The following ARL15 variants were observed in gnomAD, a reference collection of about 807,000 sequenced individuals.
ARL15 encodes the protein ARF like GTPase 15.
Under a neutral mutation model 25.2 loss-of-function variants are expected in ARL15, and 19 were observed. That is an observed-to-expected ratio of 0.75 (90% CI 0.53 to 1.10). The LOEUF (loss-of-function observed/expected upper bound fraction) is 1.10. ARL15 is among the 50% of genes least tolerant of loss of function. The pLI is 0.00. For synonymous variants in ARL15, 94 were observed against 86.8 expected (o/e 1.08, Z -0.46); for missense variants, 220 against 246.0 (o/e 0.89, Z 0.71).
chr5:54,007,208 G>A (rs1178980223), intron 4 of ARL15, among the ~76,000 whole-genome samples: 1 of 151,914 alleles, frequency 6.6e-6, no homozygotes, highest in Admixed American at 6.6e-5. Flanking sequence ...CAGGTCTGTG[G>A]CTTTCTAAAG....
chr5:53,888,564 G>T (rs1458393872), intron 4 of ARL15, among the ~76,000 whole-genome samples: 3 of 152,144 alleles, frequency 2.0e-5, no homozygotes, highest in African/African-American at 7.2e-5. Flanking sequence ...GATTACAGGC[G>T]TGAGCTACCA....
intron 3 of ARL15, among the ~76,000 whole-genome samples, chr5:54,117,095 C>T (rs1752923486): frequency 6.6e-6 from 1 of 152,136 alleles, no homozygotes; most frequent in African/African-American, 2.4e-5. Context: ...AGCCATTATT[C>T]CTCTTAACTG....
At chr5:54,184,263 A>G (rs76628964) in intron 1 of ARL15, among the ~76,000 whole-genome samples, 27 of 6,792 alleles carry the variant, frequency 4.0e-3, no homozygotes, top group African/African-American at 0.017. Context: ...AAAAAAATCA[A>G]AAAAAAAAAA....
intron 4 of ARL15, among the ~76,000 whole-genome samples, chr5:54,087,647 G>A (rs574729241): frequency 4.2e-5 from 6 of 141,656 alleles, no homozygotes; most frequent in African/African-American, 7.7e-5. Context: ...CATGTGACTC[G>A]TTTCCATTGG....
intron 4 of ARL15, among the ~76,000 whole-genome samples, chr5:54,013,387 C>T (rs1749307710): frequency 6.6e-6 from 1 of 152,144 alleles, no homozygotes; most frequent in Non-Finnish European, 1.5e-5. Flanking sequence ...CAGGCACAGG[C>T]CAAGCTAACC....
At chr5:53,982,172 CTT>C (rs5867907) in intron 4 of ARL15, among the ~76,000 whole-genome samples, 80 of 145,480 alleles carry the variant, frequency 5.5e-4, no homozygotes, top group African/African-American at 1.5e-3. Context: ...TTTAAACATT[CTT>C]TTTTTTTTTT....
intron 4 of ARL15, among the ~76,000 whole-genome samples, chr5:54,038,643 T>C (rs1750242320): frequency 6.6e-6 from 1 of 152,132 alleles, no homozygotes; most frequent in Non-Finnish European, 1.5e-5. Context: ...ACTCTGTGAA[T>C]TTACATGTAA....
intron 4 of ARL15, among the ~76,000 whole-genome samples, chr5:54,003,639 ATG>A (rs1248275032): frequency 7.3e-5 from 11 of 151,720 alleles, no homozygotes; most frequent in Non-Finnish European, 1.3e-4. Context: ...GAATGTCAGA[ATG>A]TCAGTCAGAA....
chr5:54,284,024 A>G (rs952111922), intron 1 of ARL15, among the ~76,000 whole-genome samples: 5 of 152,226 alleles, frequency 3.3e-5, no homozygotes, highest in East Asian at 3.9e-4. Context: ...CATACAGATA[A>G]GAGAACCCAA....
chr5:53,918,660 A>G (rs1318387988), intron 4 of ARL15, among the ~76,000 whole-genome samples: 2 of 152,216 alleles, frequency 1.3e-5, no homozygotes, highest in Non-Finnish European at 2.9e-5. Flanking sequence ...CAGTCTTAAA[A>G]ATACAAATAG....
At chr5:54,081,368 GAGAA>G (rs1161636913) in intron 4 of ARL15, among the ~76,000 whole-genome samples, 1 of 152,082 alleles carries the variant, frequency 6.6e-6, no homozygotes, top group Non-Finnish European at 1.5e-5. Context: ...TATTAAACTT[GAGAA>G]AGAAAGAACT....
At chr5:54,134,470 C>T (rs184384372) in intron 3 of ARL15, among the ~76,000 whole-genome samples, 1 of 150,376 alleles carries the variant, frequency 6.6e-6, no homozygotes, top group African/African-American at 2.4e-5. Context: ...GCACTTCACA[C>T]GTAACTCTAC....
At chr5:54,110,038 T>C (rs1444776142) in intron 4 of ARL15, among the ~76,000 whole-genome samples, 2 of 152,012 alleles carry the variant, frequency 1.3e-5, no homozygotes, top group African/African-American at 4.8e-5. Flanking sequence ...TTACCAGGTA[T>C]ATTACAGAAA....
At chr5:53,961,590 A>C (rs963608094) in intron 4 of ARL15, among the ~76,000 whole-genome samples, 3 of 152,136 alleles carry the variant, frequency 2.0e-5, no homozygotes, top group Non-Finnish European at 2.9e-5. Context: ...CACTTTTAAA[A>C]GAAAGAAGCT....
intron 4 of ARL15, among the ~76,000 whole-genome samples, chr5:54,110,488 A>C (rs1051542322): frequency 1.3e-5 from 2 of 152,016 alleles, no homozygotes; most frequent in Admixed American, 1.3e-4. Flanking sequence ...AACTGAATCA[A>C]AGTTTAGTGC....
intron 3 of ARL15, among the ~76,000 whole-genome samples, chr5:54,121,967 A>G (rs534222421): frequency 5.0e-4 from 76 of 152,340 alleles, no homozygotes; most frequent in African/African-American, 1.8e-3. Flanking sequence ...ATTTAAGCCT[A>G]TAACTCACAG....
chr5:54,121,445 A>C (rs922458111), intron 3 of ARL15, among the ~76,000 whole-genome samples: 1 of 152,166 alleles, frequency 6.6e-6, no homozygotes, highest in African/African-American at 2.4e-5. Context: ...TGGCAAAGAA[A>C]AAGTCTAGAT....
At chr5:53,893,576 C>G (rs1161308872) in intron 4 of ARL15, among the ~76,000 whole-genome samples, 1 of 152,130 alleles carries the variant, frequency 6.6e-6, no homozygotes, top group Non-Finnish European at 1.5e-5. Flanking sequence ...CCACTGCACT[C>G]GAGCCTGGGC....
intron 4 of ARL15, among the ~76,000 whole-genome samples, chr5:54,072,374 C>A (rs1283059324): frequency 6.6e-6 from 1 of 152,134 alleles, no homozygotes; most frequent in Non-Finnish European, 1.5e-5. Context: ...TGGATAAACA[C>A]AAACAAGGAC....
Sources: gnomAD v4.1 joint callset for allele counts (sites outside exome capture counted in the v4.1 genomes callset) on GRCh38, gnomAD v4.1.1 for gene constraint, MANE v1.5 for transcripts, NCBI Gene and HGNC (gene_info 2026-07-23, HGNC 2026-07-21) for gene names.